The following ZNF420 variants were observed in gnomAD, a reference collection of about 807,000 sequenced individuals.
ZNF420 encodes the protein ATM and p53-associated KZNF protein.
In ZNF420, 31 loss-of-function variants were observed where a neutral mutation model predicts 44.7. The observed-to-expected ratio is 0.69, with a 90% CI of 0.52 to 0.94. ZNF420 has a LOEUF of 0.94. Among genes scored for constraint, ZNF420 ranks in the 40% least tolerant of loss-of-function variants. ZNF420 has a pLI of 0.00. For synonymous variants in ZNF420, 245 were observed against 267.4 expected (o/e 0.92, Z 0.82); for missense variants, 681 against 827.9 (o/e 0.82, Z 2.18).
chr19:37,078,652 T>C (rs559211030), intron 1 of ZNF420, 82 bp downstream of exon 1: 1 of 152,504 alleles, frequency 6.6e-6, no homozygotes, highest in South Asian at 2.1e-4. Flanking sequence ...TCTCCGGTTT[T>C]GTGTGCAGGC....
At chr19:37,083,950 A>G (rs1281885818) in intron 2 of ZNF420, among the ~76,000 whole-genome samples, 1 of 152,202 alleles carries the variant, frequency 6.6e-6, no homozygotes, top group African/African-American at 2.4e-5. Context: ...GAAATAAAAG[A>G]TTATAGAGTT....
intron 1 of ZNF420, among the ~76,000 whole-genome samples, chr19:37,069,659 C>A (rs1476264236): frequency 6.6e-6 from 1 of 152,030 alleles, no homozygotes; most frequent in East Asian, 1.9e-4. Context: ...AAGTGAAAAA[C>A]AGTATTGTCG....
intron 1 of ZNF420, among the ~76,000 whole-genome samples, chr19:37,030,793 T>C (rs1357229309): frequency 6.6e-6 from 1 of 152,210 alleles, no homozygotes; most frequent in Non-Finnish European, 1.5e-5. Flanking sequence ...GGGAGGGTCA[T>C]CGTTTTCTTG....
At chr19:37,018,036 A>G (rs1273973256) in intron 1 of ZNF420, among the ~76,000 whole-genome samples, 2 of 152,198 alleles carry the variant, frequency 1.3e-5, no homozygotes, top group Non-Finnish European at 2.9e-5. Flanking sequence ...ACACAAAAAA[A>G]AGAGAAAACC....
chr19:37,056,245 C>T (rs1436029573), intron 1 of ZNF420, among the ~76,000 whole-genome samples: 2 of 152,156 alleles, frequency 1.3e-5, no homozygotes, highest in East Asian at 3.9e-4. Flanking sequence ...CTCTGACAGG[C>T]ATCCCAAAAT....
intron 1 of ZNF420, among the ~76,000 whole-genome samples, chr19:37,063,023 T>C (rs1967903525): frequency 6.6e-6 from 1 of 152,228 alleles, no homozygotes; most frequent in Admixed American, 6.5e-5. Flanking sequence ...TTTTTAAACA[T>C]TATTTCTAAA....
intron 4 of ZNF420, among the ~76,000 whole-genome samples, chr19:37,126,571 T>G (rs12460800): frequency 0.019 from 2,939 of 152,242 alleles, 81 homozygotes; most frequent in East Asian, 0.05. Context: ...AGGATTAAAA[T>G]TACAGATCTC....
chr19:37,059,967 C>T (rs532057925), intron 1 of ZNF420, among the ~76,000 whole-genome samples: 3 of 151,990 alleles, frequency 2.0e-5, no homozygotes, highest in Non-Finnish European at 2.9e-5. Flanking sequence ...ATGCCCCCTG[C>T]GCCAAAAAGG....
At chr19:37,098,290 C>T (rs1599673454) in intron 4 of ZNF420, among the ~76,000 whole-genome samples, 1 of 152,062 alleles carries the variant, frequency 6.6e-6, no homozygotes. Context: ...TGCCAGTAAA[C>T]CTACCAGTCA....
intron 1 of ZNF420, among the ~76,000 whole-genome samples, chr19:37,045,694 G>A (rs916378822): frequency 1.3e-5 from 2 of 152,166 alleles, no homozygotes; most frequent in Non-Finnish European, 2.9e-5. Flanking sequence ...ACATCACATA[G>A]AATTGCAATG....
At chr19:37,110,475 G>A (rs1970330136) in intron 4 of ZNF420, among the ~76,000 whole-genome samples, 1 of 152,166 alleles carries the variant, frequency 6.6e-6, no homozygotes, top group African/African-American at 2.4e-5. Flanking sequence ...TTGTTCATTT[G>A]CTTTAGTCAA....
At chr19:37,056,854 T>C (rs888219894) in intron 1 of ZNF420, among the ~76,000 whole-genome samples, 1 of 152,152 alleles carries the variant, frequency 6.6e-6, no homozygotes, top group African/African-American at 2.4e-5. Context: ...CCTACAGCCC[T>C]CTCTCCCACG....
chr19:37,064,069 C>A (rs926417083), intron 1 of ZNF420, among the ~76,000 whole-genome samples: 1 of 152,136 alleles, frequency 6.6e-6, no homozygotes, highest in Non-Finnish European at 1.5e-5. Context: ...AGAAAGAATG[C>A]CACAAAAGTG....
intron 2 of ZNF420, among the ~76,000 whole-genome samples, chr19:37,087,611 T>G (rs2146522566): frequency 6.6e-6 from 1 of 152,252 alleles, no homozygotes; most frequent in Middle Eastern, 3.4e-3. Flanking sequence ...CTGTTGAATG[T>G]TAAAGTAAGT....
At chr19:37,032,002 G>A (rs1967267413) in intron 1 of ZNF420, among the ~76,000 whole-genome samples, 1 of 151,822 alleles carries the variant, frequency 6.6e-6, no homozygotes, top group South Asian at 2.1e-4. Flanking sequence ...GTCAGCCTCA[G>A]GAGTTCCAGA....
At chr19:37,106,014 AC>A (rs1970061747) in intron 4 of ZNF420, among the ~76,000 whole-genome samples, 1 of 152,058 alleles carries the variant, frequency 6.6e-6, no homozygotes, top group Admixed American at 6.6e-5. Flanking sequence ...CTAATTGAAT[AC>A]CCTTTCTTTC....
intron 1 of ZNF420, among the ~76,000 whole-genome samples, chr19:37,054,456 G>C (rs1568431247): frequency 6.6e-6 from 1 of 152,168 alleles, no homozygotes; most frequent in African/African-American, 2.4e-5. Flanking sequence ...CACTCATGCT[G>C]GGAGCTCTAG....
intron 1 of ZNF420, among the ~76,000 whole-genome samples, chr19:37,031,660 G>A (rs958951738): frequency 1.3e-5 from 2 of 151,720 alleles, no homozygotes; most frequent in South Asian, 2.1e-4. Context: ...TACAGGCCAC[G>A]TGCCACCACA....
chr19:37,073,071 AG>A (rs1209096215), intron 1 of ZNF420, among the ~76,000 whole-genome samples: 1 of 152,154 alleles, frequency 6.6e-6, no homozygotes, highest in African/African-American at 2.4e-5. Flanking sequence ...AGGGCTGGCC[AG>A]GGTGGCTCAT....
Sources: gnomAD v4.1 joint callset for allele counts (sites outside exome capture counted in the v4.1 genomes callset) on GRCh38, gnomAD v4.1.1 for gene constraint, MANE v1.5 for transcripts, NCBI Gene and HGNC (gene_info 2026-07-23, HGNC 2026-07-21) for gene names.